The following MYOC variants were observed in gnomAD, a reference collection of about 807,000 sequenced individuals.
The protein encoded by MYOC is juvenile-onset open-angle glaucoma 1.
A neutral mutation model predicts 28.2 loss-of-function variants in MYOC; 29 were observed. The observed-to-expected ratio is 1.03, with a 90% confidence interval of 0.77 to 1.40. The LOEUF (loss-of-function observed/expected upper bound fraction) is 1.40. Among genes scored for constraint, MYOC ranks in the 40% most tolerant of loss-of-function variants. The pLI is 0.00. For missense variants in MYOC, 569 were observed against 620.6 expected (o/e 0.92, Z 0.88); for synonymous variants, 240 against 245.6 (o/e 0.98, Z 0.21).
Position 171,635,930 on chromosome 1 carries a change from T to A in MYOC, c.1510A>T (p.Met504Leu). The A allele has an allele frequency of 6.2e-7, 1 of 1,614,118 alleles. No homozygotes were observed. Among genetic ancestry groups the A allele is most frequent in the Non-Finnish European group, 8.5e-7 (1 of 1,180,024 alleles). Residue 504 changes from methionine to leucine, a missense_variant, in exon 3 of 3, where the codon ATG (methionine) becomes TTG (leucine). Physicochemically the swap from Met to Leu is conservative, Grantham distance 15. Transcript: ENST00000037502. Reference protein sequence around the residue: ...MVTYDIKLSKM With the variant: ...MVTYDIKLSKL ...CTGTACAGCTTGGAGGCTTTTCACATCTTGGAGAGCTTGATGTCATAAGTG... is the reference window on the plus strand; with the variant it reads ...CTGTACAGCTTGGAGGCTTTTCACAACTTGGAGAGCTTGATGTCATAAGTG...
In MYOC at chr1:171,636,068, C is replaced by A. The variant is rs1394030997; in HGVS notation, c.1372G>T (p.Gly458Cys). The change falls in exon 3 of 3, where the codon GGT becomes TGT. Residue 458 changes from glycine to cysteine, a missense_variant. Physicochemically the swap from Gly to Cys is radical, Grantham distance 159 (BLOSUM62 -3). Coordinates refer to ENST00000037502, the MANE Select transcript of MYOC (RefSeq NM_000261.2). ...TVNFAYDTGTGISKTLTIPFK... is the reference protein window; with the variant it reads ...TVNFAYDTGTCISKTLTIPFK... ...GGGATGGTCAGGGTCTTGCTGATAC[C>A]TGTGCCTGTGTCATAAGCAAAGTTG... is the stretch of plus-strand genomic sequence containing the variant. The A allele has an allele frequency of 5.6e-6, 9 of 1,614,070 alleles. No individual in the cohort carries two copies. The South Asian group carries it at 9.9e-5, about 18-fold the overall frequency.
intron 1 of MYOC, among the ~76,000 whole-genome samples, chr1:171,644,263 C>CT (rs775068020): frequency 8.1e-4 from 118 of 146,198 alleles, no homozygotes; most frequent in Non-Finnish European, 1.3e-3. Flanking sequence ...ATTTTTAGGG[C>CT]TTTTTTTTTT....
rs2102945755 is a variant in MYOC at position 171,638,938 on chromosome 1, A to G, written c.605-216T>C. On this transcript the variant is annotated intron_variant, in intron 1 of 2. Transcript: ENST00000037502. ...GTGAAACCCTGTCTTTGCTAAAAAC[A>G]CAAAAGAATTAGCTGGATGTGGTGG... 5 of 453,682 alleles carry G rather than the reference A, an allele frequency of 1.1e-5. No individual in the cohort carries two copies. The Admixed American group carries it at 1.7e-4, about 15-fold the overall frequency. 28.1% of individuals were successfully genotyped at this position (453,682 alleles called of 1,614,324 possible).
intron 2 of MYOC, among the ~76,000 whole-genome samples, chr1:171,637,307 C>T (rs916168833): frequency 6.6e-6 from 1 of 152,194 alleles, no homozygotes; most frequent in African/African-American, 2.4e-5. Context: ...CTCCATACAA[C>T]AAAGTTTTTC....
chr1:171,636,800 G>T, intron 2 of MYOC, 91 bp from the exon 3 acceptor site: 1 of 1,409,734 alleles, frequency 7.1e-7, no homozygotes. Flanking sequence ...GGCAGAGCCA[G>T]TAGATGTGAC....
chr1:171,650,699 C>G (rs929152922), intron 1 of MYOC, among the ~76,000 whole-genome samples: 1 of 152,090 alleles, frequency 6.6e-6, no homozygotes, highest in African/African-American at 2.4e-5. Flanking sequence ...AATTTTAAAG[C>G]TTTTCAAGCC....
chr1:171,645,209 G>A (rs987575327), intron 1 of MYOC, among the ~76,000 whole-genome samples: 1 of 152,156 alleles, frequency 6.6e-6, no homozygotes, highest in African/African-American at 2.4e-5. Context: ...CCCCAGCCAC[G>A]GACCCAGAGC....
Position 171,652,664 on chromosome 1 carries a change from C to G in MYOC, c.-53G>C. The stretch of plus-strand genomic sequence containing the variant: ...GAAAGCTCTGCTGTGCTGAGAGGTG[C>G]CTGGATGGGTGGCCTTGCTGGCTCA... On this transcript the variant is annotated 5_prime_UTR_variant, in exon 1 of 3. Transcript: ENST00000037502. 1 of 1,611,032 alleles carries G rather than the reference C, an allele frequency of 6.2e-7. No homozygotes were observed. The highest frequency in any genetic ancestry group is 8.5e-7 in the Non-Finnish European group (1 of 1,179,660).
chr1:171,640,250 C>T (rs567318645), intron 1 of MYOC, among the ~76,000 whole-genome samples: 2 of 150,384 alleles, frequency 1.3e-5, no homozygotes, highest in East Asian at 3.9e-4. Context: ...GGAGTGTGTG[C>T]AGAGTTCCTA....
rs538890367 is a variant in MYOC, at chr1:171,640,325, C to T, written c.605-1603G>A. On this transcript the variant is annotated intron_variant, in intron 1 of 2. Coordinates refer to ENST00000037502, the MANE Select transcript of MYOC (RefSeq NM_000261.2). ...AAGCGGGTGGGCAGCATTGGTTAGA[C>T]AGTAAGTGATCATGGTGTGCTACAT... Among the ~76,000 whole-genome samples the T allele has an allele frequency of 3.0e-4, 46 of 152,192 alleles. No individual in the cohort carries two copies. The South Asian group carries it at 8.3e-3, about 27-fold the overall frequency.
Position 171,652,293 on chromosome 1 carries a change from C to A in MYOC, c.319G>T (p.Ala107Ser). ...SLLHQLTLDQ[A>S]ARPQETQEGL... Reference sequence around the variant, plus strand: ...TCCTGGGTCTCCTGGGGCCTGGCAGCCTGGTCCAAGGTCAATTGGTGGAGG... The same window carrying A: ...TCCTGGGTCTCCTGGGGCCTGGCAGACTGGTCCAAGGTCAATTGGTGGAGG... Residue 107 changes from alanine (A) to serine (S), a missense_variant, in exon 1 of 3, where the codon GCT (alanine) becomes TCT (serine). Transcript: ENST00000037502. 2.5e-6 allele frequency: 4 copies of A among 1,612,710 alleles called. No homozygotes were observed. Among genetic ancestry groups the A allele is most frequent in the South Asian group, 2.2e-5 (2 of 90,978 alleles).
chr1:171,636,821 A>G (rs899664858), intron 2 of MYOC, 112 bp from the exon 3 acceptor site: 1 of 1,197,576 alleles, frequency 8.4e-7, no homozygotes, highest in Admixed American at 1.9e-5. Flanking sequence ...AGCCCTGGAG[A>G]CAAATCGTCT....
At chr1:171,647,766 T>C (rs1653238319) in intron 1 of MYOC, among the ~76,000 whole-genome samples, 1 of 152,078 alleles carries the variant, frequency 6.6e-6, no homozygotes, top group South Asian at 2.1e-4. Context: ...CACCCTCCCC[T>C]CACATCCTGC....
In MYOC at chr1:171,636,161, C is replaced by T. The variant is rs754237376; in HGVS notation, c.1279G>A (p.Ala427Thr). ...WETNIRKQSV[A>T]NAFIICGTLY... Reference sequence around the variant, plus strand: ...GTGCCACAGATGATGAAGGCATTGGCGACTGACTGCTTACGGATGTTTGTC... The same window carrying T: ...GTGCCACAGATGATGAAGGCATTGGTGACTGACTGCTTACGGATGTTTGTC... Residue 427 changes from alanine (A) to threonine (T), a missense_variant, in exon 3 of 3, where the codon GCC becomes ACC. Ala to Thr is a moderately conservative substitution (Grantham distance 58, BLOSUM62 0). Transcript: ENST00000037502. The T allele has an allele frequency of 2.2e-5, 36 of 1,614,030 alleles. No individual in the cohort carries two copies. Among genetic ancestry groups the T allele is most frequent in the South Asian group, 1.4e-4 (13 of 91,084 alleles).
rs957826152 is a variant in MYOC at position 171,635,524 on chromosome 1, C to T, written c.*401G>A. On this transcript the variant is annotated 3_prime_UTR_variant, in exon 3 of 3. Transcript: ENST00000037502. The stretch of plus-strand genomic sequence containing the variant: ...GTAGTAAATGCATCTTACTTATATT[C>T]GATGCTGGCCAGAGGAGCTATTCTG... The T allele has an allele frequency of 2.3e-5, 8 of 352,120 alleles. No individual in the cohort carries two copies. The highest frequency in any genetic ancestry group is 8.6e-5 in the South Asian group (2 of 23,140). 21.8% of individuals were successfully genotyped at this position (352,120 alleles called of 1,614,324 possible). A position where few individuals can be genotyped will look rare whatever the true frequency, so the allele number is the denominator to read the frequency against.
Position 171,636,426 on chromosome 1 carries a change from G to T in MYOC, c.1014C>A (p.Gly338=). 3 of 1,614,064 alleles carry T rather than the reference G, an allele frequency of 1.9e-6. No homozygotes were observed. Among genetic ancestry groups the T allele is most frequent in the Non-Finnish European group, 2.5e-6 (3 of 1,180,012 alleles). The change falls in exon 3 of 3, where the codon GGC becomes GGA. Residue 338 remains glycine, a synonymous_variant. Coordinates refer to ENST00000037502, the MANE Select transcript of MYOC (RefSeq NM_000261.2). The stretch of plus-strand genomic sequence containing the variant: ...ATCTTATGACAGTTCTGGACTCAGC[G>T]CCCTGGAAATAGAGGCTCCCCGAGT... ...VVYSGSLYFQ[G]AESRTVIRYE...
chr1:171,646,530 T>G (rs1390779973), intron 1 of MYOC, among the ~76,000 whole-genome samples: 1 of 149,754 alleles, frequency 6.7e-6, no homozygotes, highest in Non-Finnish European at 1.5e-5. Flanking sequence ...AGGGTCTCGC[T>G]CTGTCACCCA....
chr1:171,648,226 C>G (rs533780995), intron 1 of MYOC, among the ~76,000 whole-genome samples: 1 of 151,802 alleles, frequency 6.6e-6, no homozygotes, highest in Non-Finnish European at 1.5e-5. Context: ...GAACAAACCT[C>G]GTCCCCACAT....
chr1:171,639,044 C>T (rs931762306), intron 1 of MYOC, among the ~76,000 whole-genome samples: 2 of 123,894 alleles, frequency 1.6e-5, no homozygotes, highest in Admixed American at 8.2e-5. Flanking sequence ...TGCTGTGAGC[C>T]GAGACTACAC....
Sources: gnomAD v4.1 joint callset for allele counts (sites outside exome capture counted in the v4.1 genomes callset) on GRCh38, gnomAD v4.1.1 for gene constraint, MANE v1.5 for transcripts, NCBI Gene and HGNC (gene_info 2026-07-23, HGNC 2026-07-21) for gene names.